The following MCU variants were observed in gnomAD, a reference collection of about 807,000 sequenced individuals.
MCU encodes calcium uniporter protein, mitochondrial.
MCU carries 12 observed loss-of-function variants against 45.2 expected under a neutral mutation model. That is an observed-to-expected ratio of 0.27 (90% CI 0.17 to 0.43). The LOEUF is 0.43. MCU is among the 20% of genes least tolerant of loss of function. The probability of loss-of-function intolerance (pLI) is 1.00; values close to 1 mark genes in which losing one functional copy is unlikely to be tolerated. For synonymous variants in MCU, 160 were observed against 165.1 expected (o/e 0.97, Z 0.24); for missense variants, 324 against 436.7 (o/e 0.74, Z 2.30).
intron 1 of MCU, among the ~76,000 whole-genome samples, chr10:72,762,848 A>G (rs1843674295): frequency 6.6e-6 from 1 of 152,156 alleles, no homozygotes; most frequent in Non-Finnish European, 1.5e-5. Flanking sequence ...ATAAATTAAA[A>G]TAACAAATTT....
intron 2 of MCU, among the ~76,000 whole-genome samples, chr10:72,856,036 T>TGACA (rs1395399863): frequency 2.0e-5 from 3 of 152,250 alleles, no homozygotes; most frequent in Non-Finnish European, 4.4e-5. Flanking sequence ...GTCTATGCAT[T>TGACA]GACACCCTTC....
intron 1 of MCU, among the ~76,000 whole-genome samples, chr10:72,765,017 C>T (rs1460486756): frequency 4.0e-5 from 6 of 150,108 alleles, no homozygotes; most frequent in African/African-American, 9.9e-5. Flanking sequence ...TTTGGGAGGC[C>T]GAGGTGGGCA....
At chr10:72,749,022 G>T (rs1278652101) in intron 1 of MCU, among the ~76,000 whole-genome samples, 1 of 152,178 alleles carries the variant, frequency 6.6e-6, no homozygotes, top group African/African-American at 2.4e-5. Flanking sequence ...AACACTTTGG[G>T]AGGCCAAGGT....
chr10:72,749,762 T>G (rs1843467140), intron 1 of MCU, among the ~76,000 whole-genome samples: 1 of 152,048 alleles, frequency 6.6e-6, no homozygotes, highest in Admixed American at 6.6e-5. Context: ...TGTTGTAGCT[T>G]TGCTACCTTC....
chr10:72,753,724 A>C (rs977410853), intron 1 of MCU, among the ~76,000 whole-genome samples: 1 of 151,994 alleles, frequency 6.6e-6, no homozygotes, highest in Non-Finnish European at 1.5e-5. Flanking sequence ...AAAATACAAA[A>C]TACTAGCTGG....
chr10:72,784,002 T>A (rs1252288202), intron 1 of MCU, among the ~76,000 whole-genome samples: 13 of 152,190 alleles, frequency 8.5e-5, no homozygotes, highest in Non-Finnish European at 1.5e-5. Flanking sequence ...CCCAGTTACT[T>A]TACCTTTTTG....
intron 1 of MCU, among the ~76,000 whole-genome samples, chr10:72,762,286 C>G (rs556625439): frequency 6.6e-6 from 1 of 152,202 alleles, no homozygotes; most frequent in South Asian, 2.1e-4. Context: ...ACCAGACATT[C>G]AAAGAAGAAT....
chr10:72,805,101 C>CTTTCTTTCTTTCTTTCTT (rs1554824914), intron 1 of MCU, among the ~76,000 whole-genome samples: 21 of 103,454 alleles, frequency 2.0e-4, no homozygotes, highest in African/African-American at 6.4e-4. Flanking sequence ...TTCTTTCTTT[C>CTTTCTTTCTTTCTTTCTT]TCTTTCTTTC....
intron 2 of MCU, among the ~76,000 whole-genome samples, chr10:72,851,859 A>T (rs1845211966): frequency 6.6e-6 from 1 of 152,194 alleles, no homozygotes; most frequent in Non-Finnish European, 1.5e-5. Context: ...ACTAAAAACT[A>T]AATTTCTCCC....
chr10:72,763,950 CCA>C (rs910647940), intron 1 of MCU, among the ~76,000 whole-genome samples: 15 of 152,236 alleles, frequency 9.9e-5, no homozygotes, highest in African/African-American at 3.6e-4. Flanking sequence ...ATGTGCTCAA[CCA>C]AAGAATGAAC....
chr10:72,719,524 A>T (rs1453604154), intron 1 of MCU, among the ~76,000 whole-genome samples: 2 of 152,172 alleles, frequency 1.3e-5, no homozygotes, highest in Non-Finnish European at 2.9e-5. Context: ...GAGTGCTGGT[A>T]TGTGTTCCTT....
intron 1 of MCU, among the ~76,000 whole-genome samples, chr10:72,822,042 G>T (rs913316194): frequency 6.6e-6 from 1 of 152,072 alleles, no homozygotes; most frequent in African/African-American, 2.4e-5. Flanking sequence ...TTGGGAGGCC[G>T]AGGTGGGCAG....
chr10:72,821,669 G>A (rs909138897), intron 1 of MCU, among the ~76,000 whole-genome samples: 1 of 152,084 alleles, frequency 6.6e-6, no homozygotes, highest in Non-Finnish European at 1.5e-5. Flanking sequence ...ACTTTACAAG[G>A]ATAGAATATC....
chr10:72,753,646 T>C (rs973734321), intron 1 of MCU, among the ~76,000 whole-genome samples: 9 of 152,130 alleles, frequency 5.9e-5, no homozygotes, highest in African/African-American at 2.2e-4. Flanking sequence ...AGGCTGAGGC[T>C]GGTAGATCGC....
At chr10:72,714,216 C>T (rs893690336) in intron 1 of MCU, among the ~76,000 whole-genome samples, 8 of 151,776 alleles carry the variant, frequency 5.3e-5, no homozygotes, top group Admixed American at 1.3e-4. Context: ...TTGCCCACCG[C>T]GGCCTCCCAA....
intron 4 of MCU, among the ~76,000 whole-genome samples, chr10:72,861,233 C>T (rs1195473553): frequency 6.6e-6 from 1 of 151,922 alleles, no homozygotes; most frequent in Admixed American, 6.6e-5. Flanking sequence ...ACTATGTCAC[C>T]CAGGCTGGTC....
intron 1 of MCU, among the ~76,000 whole-genome samples, chr10:72,792,224 C>T (rs1844171805): frequency 6.6e-6 from 1 of 151,952 alleles, no homozygotes; most frequent in African/African-American, 2.4e-5. Context: ...TTTTTAAAGG[C>T]GGGGTAAATT....
At position 72,851,800 on chromosome 10, in the gene MCU, G is replaced by A. The variant is rs115656733; in HGVS notation, c.221-7377G>A. Among the ~76,000 whole-genome samples the A allele has an allele frequency of 2.6e-3, 403 of 152,156 alleles. 4 individuals are homozygous for A. Among genetic ancestry groups the A allele is most frequent in the African/African-American group, 8.7e-3 (362 of 41,502 alleles). On this transcript the variant is annotated intron_variant, in intron 2 of 7. Transcript: ENST00000373053. ...CATCTTCCTAACCTGTTGCTCTTTC[G>A]TTAGTTTTTGTGAAGGCAGTTTATT...
intron 1 of MCU, among the ~76,000 whole-genome samples, chr10:72,729,483 A>G (rs1024687251): frequency 6.6e-6 from 1 of 152,208 alleles, no homozygotes; most frequent in Admixed American, 6.5e-5. Flanking sequence ...AAAGAAAAAA[A>G]GAAAACTGCT....
Sources: allele counts gnomAD v4.1 joint callset (sites outside exome capture counted in the v4.1 genomes callset), GRCh38; gene constraint gnomAD v4.1.1; transcripts MANE v1.5; gene names NCBI Gene and HGNC (gene_info 2026-07-23, HGNC 2026-07-21).